Variants in TEC observed in about 807,000 individuals in gnomAD.
The protein encoded by TEC is tyrosine-protein kinase Tec.
A neutral mutation model predicts 93.0 loss-of-function variants in TEC; 72 were observed. The observed-to-expected ratio is 0.77, with a 90% CI of 0.64 to 0.94. TEC has a LOEUF of 0.94. Among genes scored for constraint, TEC ranks in the 40% least tolerant of loss-of-function variants. The pLI, the probability that TEC is intolerant of heterozygous loss-of-function variation, is 0.00. For missense variants in TEC, 630 were observed against 757.9 expected (o/e 0.83, Z 1.98); for synonymous variants, 249 against 247.7 (o/e 1.01, Z -0.05).
At chr4:48,265,557 G>A (rs1305673340) in intron 1 of TEC, among the ~76,000 whole-genome samples, 1 of 146,884 alleles carries the variant, frequency 6.8e-6, no homozygotes, top group African/African-American at 2.5e-5. Context: ...CTGTTTCCCA[G>A]GTTGGAGTAC....
rs143036371 is a variant in TEC at position 48,197,495 on chromosome 4, A to G, written c.139-21309T>C. Among the ~76,000 whole-genome samples the G allele has an allele frequency of 1.9e-4, 29 of 152,280 alleles. No homozygotes were observed. The East Asian group carries it at 3.7e-3, about 19-fold the overall frequency. ...GTTAAAGGCACTTAAAAAAAACAGC[A>G]CATGCAAGAAGGGCACTGTGACCTT... On this transcript the variant is annotated intron_variant, in intron 2 of 17. Transcript: ENST00000381501.
chr4:48,205,661 CACTAGGACAGCT>C (rs1560408040), intron 2 of TEC, among the ~76,000 whole-genome samples: 1 of 87,430 alleles, frequency 1.1e-5, no homozygotes, highest in Non-Finnish European at 3.2e-5. Flanking sequence ...ACTTCACACT[CACTAGGACAGCT>C]ACAATCAACA....
chr4:48,146,513 T>G, intron 11 of TEC, 114 bp from the exon 12 acceptor site: 1 of 900,800 alleles, frequency 1.1e-6, no homozygotes, highest in Non-Finnish European at 1.8e-6. Flanking sequence ...CTGCTCATCC[T>G]CTGTGTGTAC....
At chr4:48,259,480 C>T (rs1482770957) in intron 1 of TEC, among the ~76,000 whole-genome samples, 1 of 152,176 alleles carries the variant, frequency 6.6e-6, no homozygotes, top group Non-Finnish European at 1.5e-5. Context: ...CTTTGGGAGG[C>T]TGAAGCTGGC....
intron 2 of TEC, among the ~76,000 whole-genome samples, chr4:48,222,222 G>T (rs1343623174): frequency 6.6e-6 from 1 of 152,184 alleles, no homozygotes; most frequent in Non-Finnish European, 1.5e-5. Context: ...ATTAGCAAAG[G>T]CACGATGTGA....
chr4:48,186,126 C>T (rs58651988), intron 2 of TEC, among the ~76,000 whole-genome samples: 5 of 152,286 alleles, frequency 3.3e-5, no homozygotes, highest in African/African-American at 1.2e-4. Flanking sequence ...CCCGAGGTGC[C>T]GGGATTGCAG....
chr4:48,163,817 T>C lies in TEC; in HGVS notation c.672-50A>G, dbSNP rs13104849. The C allele has an allele frequency of 0.36, 372,874 of 1,028,492 alleles. 75,192 individuals are homozygous for C. The highest frequency in any genetic ancestry group is 0.89 in the East Asian group (32,478 of 36,406). 63.7% of individuals were successfully genotyped at this position (1,028,492 alleles called of 1,614,324 possible). A position where few individuals can be genotyped will look rare whatever the true frequency, so the allele number is the denominator to read the frequency against. Reference sequence around the variant, plus strand: ...GTAAACTTACTTTACTGGGAGGTTATTGAAAGAAAGAAAGATTATTGCCTT... The same window carrying C: ...GTAAACTTACTTTACTGGGAGGTTACTGAAAGAAAGAAAGATTATTGCCTT... On this transcript the variant is annotated intron_variant, in intron 7 of 17. Transcript: ENST00000381501.
At chr4:48,194,073 A>G (rs556250252) in intron 2 of TEC, among the ~76,000 whole-genome samples, 16 of 152,188 alleles carry the variant, frequency 1.1e-4, no homozygotes, top group Admixed American at 9.8e-4. Context: ...CCCAACCATG[A>G]CCAATGGATT....
In TEC at chr4:48,228,581, T is replaced by A; in HGVS notation, c.34A>T (p.Ile12Phe). 1.9e-6 allele frequency: 3 copies of A among 1,613,816 alleles called. No homozygotes were observed. Among genetic ancestry groups the A allele is most frequent in the Non-Finnish European group, 2.5e-6 (3 of 1,179,946 alleles). The change falls in exon 2 of 18, where the codon ATT becomes TTT. Residue 12 changes from isoleucine (I) to phenylalanine (F), a missense_variant. Physicochemically the swap from Ile to Phe is conservative, Grantham distance 21 (BLOSUM62 0). Coordinates refer to ENST00000381501, the MANE Select transcript of TEC (RefSeq NM_003215.3). ...NFNTILEEILIKRSQQKKKTS... is the reference protein window; with the variant it reads ...NFNTILEEILFKRSQQKKKTS... ...TTCTTTTTCTGCTGTGACCTTTTAA[T>A]AAGAATCTCCTCCAAAATAGTGTTA...
chr4:48,227,576 G>A (rs1182229561), intron 2 of TEC, among the ~76,000 whole-genome samples: 72 of 148,722 alleles, frequency 4.8e-4, no homozygotes, highest in Non-Finnish European at 7.4e-5. Context: ...CCAGGAGATG[G>A]AGGTTACTGT....
intron 9 of TEC, among the ~76,000 whole-genome samples, chr4:48,152,488 A>G (rs1291224572): frequency 6.6e-6 from 1 of 152,124 alleles, no homozygotes; most frequent in Non-Finnish European, 1.5e-5. Flanking sequence ...ACAGTCTAAC[A>G]GCAACCCACT....
intron 1 of TEC, among the ~76,000 whole-genome samples, chr4:48,266,673 A>C (rs1724643718): frequency 6.6e-6 from 1 of 152,156 alleles, no homozygotes; most frequent in Non-Finnish European, 1.5e-5. Context: ...CCCCATCTCT[A>C]CTAGAAATAC....
intron 2 of TEC, among the ~76,000 whole-genome samples, chr4:48,194,629 T>C (rs1284748366): frequency 1.3e-5 from 2 of 152,152 alleles, no homozygotes; most frequent in Admixed American, 6.5e-5. Flanking sequence ...GGAAGTTTGA[T>C]GAGTAGATGA....
intron 1 of TEC, among the ~76,000 whole-genome samples, chr4:48,244,785 G>A (rs909296702): frequency 1.3e-5 from 2 of 152,080 alleles, no homozygotes; most frequent in Admixed American, 6.5e-5. Flanking sequence ...GCCTTCCCCT[G>A]CAACATCCTT....
intron 11 of TEC, among the ~76,000 whole-genome samples, chr4:48,148,080 G>A (rs1000549307): frequency 6.6e-6 from 1 of 152,116 alleles, no homozygotes; most frequent in Non-Finnish European, 1.5e-5. Flanking sequence ...GCCTGGGGCT[G>A]GGCTGGTGAA....
chr4:48,207,618 CAAAAAAA>C (rs34141042), intron 2 of TEC, among the ~76,000 whole-genome samples: 10 of 102,510 alleles, frequency 9.8e-5, no homozygotes, highest in Admixed American at 2.2e-4. Context: ...CATGTCTCTA[CAAAAAAA>C]AAAAAAAAAA....
chr4:48,153,728 C>T (rs530708547), intron 9 of TEC, among the ~76,000 whole-genome samples: 9 of 152,098 alleles, frequency 5.9e-5, no homozygotes, highest in East Asian at 1.9e-4. Context: ...GGTCTAACTG[C>T]GGGACACAGT....
chr4:48,141,060 A>G (rs1336688736), intron 15 of TEC, among the ~76,000 whole-genome samples: 4 of 152,186 alleles, frequency 2.6e-5, no homozygotes, highest in Non-Finnish European at 4.4e-5. Flanking sequence ...TATAAAAATT[A>G]AGAGAAGAAA....
At chr4:48,193,198 A>C (rs1012205392) in intron 2 of TEC, among the ~76,000 whole-genome samples, 2 of 149,562 alleles carry the variant, frequency 1.3e-5, no homozygotes, top group South Asian at 2.1e-4. Flanking sequence ...TTCTTGCTAC[A>C]TTGCCCAGAC....
Sources: allele counts gnomAD v4.1 joint callset (sites outside exome capture counted in the v4.1 genomes callset), GRCh38; gene constraint gnomAD v4.1.1; transcripts MANE v1.5; gene names NCBI Gene and HGNC (gene_info 2026-07-23, HGNC 2026-07-21).